DOK5: variants seen among roughly 807,000 people sequenced by gnomAD.
DOK5 encodes the protein downstream of tyrosine kinase 5.
A neutral mutation model predicts 43.3 loss-of-function variants in DOK5; 27 were observed. The ratio of observed to expected loss-of-function variants is 0.62; its 90% CI spans 0.46 to 0.86. The LOEUF is 0.86. Ranked by LOEUF, DOK5 falls within the 40% of genes least tolerant of loss-of-function variation. The pLI is 0.00. For missense variants in DOK5, 373 were observed against 392.9 expected, an observed-to-expected ratio of 0.95 and a Z score of 0.43; for synonymous variants, 146 against 140.1, an observed-to-expected ratio of 1.04 and a Z score of -0.30.
chr20:54,584,644 A>G (rs898543925), intron 2 of DOK5, among the ~76,000 whole-genome samples: 8 of 150,316 alleles, frequency 5.3e-5, no homozygotes, highest in Non-Finnish European at 5.9e-5. Flanking sequence ...GTGTGTTTGT[A>G]TATATGTATA....
At chr20:54,503,480 A>G (rs1476233559) in intron 1 of DOK5, among the ~76,000 whole-genome samples, 1 of 150,502 alleles carries the variant, frequency 6.6e-6, no homozygotes, top group East Asian at 1.9e-4. Context: ...AAAATGGAAA[A>G]GTAATGAAGT....
At chr20:54,611,682 G>A (rs1986656792) in intron 6 of DOK5, among the ~76,000 whole-genome samples, 1 of 152,170 alleles carries the variant, frequency 6.6e-6, no homozygotes, top group African/African-American at 2.4e-5. Flanking sequence ...CATGCGTTGT[G>A]GCTGCAAATG....
intron 4 of DOK5, among the ~76,000 whole-genome samples, chr20:54,589,184 A>T (rs567597716): frequency 6.6e-6 from 1 of 152,286 alleles, no homozygotes; most frequent in African/African-American, 2.4e-5. Flanking sequence ...GAGGACGTAA[A>T]GACTTTCCTT....
At chr20:54,570,333 A>T (rs908822967) in intron 2 of DOK5, among the ~76,000 whole-genome samples, 9 of 152,236 alleles carry the variant, frequency 5.9e-5, no homozygotes, top group African/African-American at 1.9e-4. Flanking sequence ...ATTTTTGAAG[A>T]CAACGTACAA....
chr20:54,644,354 C>T (rs1177302870), intron 7 of DOK5, among the ~76,000 whole-genome samples: 1 of 151,500 alleles, frequency 6.6e-6, no homozygotes, highest in African/African-American at 2.4e-5. Context: ...GTCAGATCAC[C>T]TGAAGTCAGG....
intron 6 of DOK5, among the ~76,000 whole-genome samples, chr20:54,632,496 A>G (rs1978616947): frequency 1.3e-5 from 2 of 152,222 alleles, no homozygotes; most frequent in Non-Finnish European, 2.9e-5. Context: ...ACAATAAATT[A>G]TGCGTGGCCT....
At chr20:54,564,406 C>T (rs758040750) in intron 2 of DOK5, among the ~76,000 whole-genome samples, 15 of 152,008 alleles carry the variant, frequency 9.9e-5, no homozygotes, top group Middle Eastern at 3.2e-3. Flanking sequence ...ATTCCAGCCT[C>T]GGCGACAAAG....
chr20:54,475,995 C>A lies in DOK5; in HGVS notation c.49C>A (p.Arg17=). The A allele has an allele frequency of 6.2e-7, 1 of 1,613,416 alleles. No homozygotes were observed. Among genetic ancestry groups the A allele is most frequent in the Non-Finnish European group, 8.5e-7 (1 of 1,179,928 alleles). Residue 17 remains arginine (R), a synonymous_variant, in exon 1 of 8, where the codon CGG becomes AGG. Coordinates refer to ENST00000262593, the MANE Select transcript of DOK5 (RefSeq NM_018431.5). The surrounding 1 kb of genome is among the most constrained non-coding windows in gnomAD (Gnocchi z 4.2). ...DIVKQGYVRI[R]SRRLGIYQRC... ...AGTGAAGCAAGGGTACGTGAGGATCCGGAGCAGACGCCTCGGGGTGAGTAT... is the reference window on the plus strand; with the variant it reads ...AGTGAAGCAAGGGTACGTGAGGATCAGGAGCAGACGCCTCGGGGTGAGTAT...
chr20:54,602,089 T>C (rs922660039), intron 5 of DOK5, among the ~76,000 whole-genome samples: 2 of 152,224 alleles, frequency 1.3e-5, no homozygotes, highest in African/African-American at 4.8e-5. Context: ...AATATGTGGC[T>C]GTGCCTCTCT....
At chr20:54,610,242 C>T (rs6068915) in intron 5 of DOK5, 146 bp from the exon 6 acceptor site, 304,411 of 843,342 alleles carry the variant, frequency 0.36, 66,012 homozygotes, top group African/African-American at 0.86. Context: ...TTTGAACATT[C>T]CGATTCTAGT....
intron 1 of DOK5, among the ~76,000 whole-genome samples, chr20:54,482,245 T>C (rs1208484282): frequency 6.6e-6 from 1 of 152,220 alleles, no homozygotes; most frequent in Non-Finnish European, 1.5e-5. Context: ...TTTTGTTAAC[T>C]TGGGGACTGT....
At chr20:54,541,078 T>C (rs1377487308) in intron 1 of DOK5, among the ~76,000 whole-genome samples, 2 of 152,226 alleles carry the variant, frequency 1.3e-5, no homozygotes, top group African/African-American at 4.8e-5. Context: ...TTCCAGGCTT[T>C]CTCAGCTAAT....
chr20:54,499,352 G>C (rs1982509417), intron 1 of DOK5, among the ~76,000 whole-genome samples: 1 of 152,226 alleles, frequency 6.6e-6, no homozygotes, highest in Non-Finnish European at 1.5e-5. Context: ...CAGAGTTACA[G>C]ACAGGGTAAA....
chr20:54,525,147 T>C (rs894118082), intron 1 of DOK5, among the ~76,000 whole-genome samples: 6 of 152,156 alleles, frequency 3.9e-5, no homozygotes, highest in African/African-American at 1.4e-4. Flanking sequence ...GAAGTTGTCT[T>C]CCCCAAGGGT....
Position 54,588,553 on chromosome 20 carries a change from T to A in DOK5, c.245T>A (p.Ile82Asn), listed in dbSNP as rs764762661. ...PKSTKKHAIG[I>N]YFNDDTSKTF... is the part of the protein sequence containing the mutation. ...AGCACCAAGAAACATGCCATAGGGA[T>A]TTATTTCAATGACGATACCTCCAAG... is the stretch of plus-strand genomic sequence containing the variant. The change falls in exon 3 of 8, where the codon ATT (isoleucine) becomes AAT (asparagine). Residue 82 changes from isoleucine (I) to asparagine (N), a missense_variant. Physicochemically the swap from Ile to Asn is moderately radical, Grantham distance 149 (BLOSUM62 -3). Transcript: ENST00000262593. 2 of 1,614,208 alleles carry A rather than the reference T, an allele frequency of 1.2e-6. No individual in the cohort carries two copies. The highest frequency in any genetic ancestry group is 2.2e-5 in the South Asian group (2 of 91,090).
intron 5 of DOK5, among the ~76,000 whole-genome samples, chr20:54,604,472 C>T (rs1033992863): frequency 2.6e-5 from 4 of 152,024 alleles, no homozygotes; most frequent in Non-Finnish European, 5.9e-5. Context: ...CTCATGCAAC[C>T]ATGATATTAT....
chr20:54,493,753 A>G (rs559024801), intron 1 of DOK5, among the ~76,000 whole-genome samples: 20 of 152,068 alleles, frequency 1.3e-4, no homozygotes, highest in African/African-American at 4.6e-4. Context: ...CCTGGGCAAC[A>G]TAACGAGACC....
chr20:54,608,280 C>T (rs1986535154), intron 5 of DOK5, among the ~76,000 whole-genome samples: 1 of 151,758 alleles, frequency 6.6e-6, no homozygotes, highest in Admixed American at 6.6e-5. Flanking sequence ...TATACAGTGA[C>T]CTCTGCCCCA....
chr20:54,575,743 T>C (rs1305793503), intron 2 of DOK5, among the ~76,000 whole-genome samples: 2 of 152,190 alleles, frequency 1.3e-5, no homozygotes, highest in African/African-American at 2.4e-5. Flanking sequence ...TTGTAAGAAA[T>C]ATTTGCTGGA....
Sources: allele counts gnomAD v4.1 joint callset (sites outside exome capture counted in the v4.1 genomes callset), GRCh38; gene constraint gnomAD v4.1.1; non-coding constraint Gnocchi (gnomAD v3.1); transcripts MANE v1.5; gene names NCBI Gene and HGNC (gene_info 2026-07-23, HGNC 2026-07-21).